The following ARFGAP1 variants were observed in gnomAD, a reference collection of about 807,000 sequenced individuals.
ARFGAP1 encodes ADP-ribosylation factor GTPase-activating protein 1.
Under a neutral mutation model 54.0 loss-of-function variants are expected in ARFGAP1, and 26 were observed. That is an observed-to-expected ratio of 0.48 (90% CI 0.35 to 0.67). ARFGAP1 has a LOEUF of 0.67. ARFGAP1 is among the 30% of genes least tolerant of loss of function. The pLI, the probability that ARFGAP1 is intolerant of heterozygous loss-of-function variation, is 0.00. For synonymous variants in ARFGAP1, 248 were observed against 211.9 expected (o/e 1.17, Z -1.48); for missense variants, 525 against 535.8 (o/e 0.98, Z 0.20).
chr20:63,286,343 C>T (rs753463098), intron 11 of ARFGAP1, 23 bp from the exon 12 acceptor site: 11 of 1,612,330 alleles, frequency 6.8e-6, no homozygotes, highest in Non-Finnish European at 7.6e-6. Context: ...GCCTGCCTAA[C>T]CTCTCTTCCC....
chr20:63,288,451 G>A lies in ARFGAP1; in HGVS notation c.*578G>A, dbSNP rs552679156. ...CTGTGCTGTCAGACCCGCGTCGGTC[G>A]TAACCCTCTGTGGCTCCCCTGCATC... On this transcript the variant is annotated 3_prime_UTR_variant, in exon 13 of 13. Transcript: ENST00000370283. The A allele has an allele frequency of 3.7e-5, 17 of 456,096 alleles. No homozygotes were observed. The highest frequency in any genetic ancestry group is 1.4e-4 in the East Asian group (2 of 14,392). The allele number at this position is 456,096 out of a possible 1,614,324, so 28.3% of individuals were successfully genotyped here.
intron 5 of ARFGAP1, among the ~76,000 whole-genome samples, chr20:63,277,528 G>A (rs1298752271): frequency 6.6e-6 from 1 of 152,204 alleles, no homozygotes; most frequent in Non-Finnish European, 1.5e-5. Context: ...AGCTCCGCAC[G>A]CCTTCCAGGT....
intron 8 of ARFGAP1, 27 bp downstream of exon 8, chr20:63,281,374 C>A: frequency 1.3e-6 from 2 of 1,580,198 alleles, no homozygotes; most frequent in East Asian, 2.3e-5. Context: ...GCCATGCCAC[C>A]GTCCCCACCA....
At chr20:63,283,973 G>A (rs2067455600) in intron 9 of ARFGAP1, 3 of 1,577,596 alleles carry the variant, frequency 1.9e-6, no homozygotes, top group Admixed American at 1.7e-5. Context: ...CCACTGTCTT[G>A]TGTCACCTCA....
In ARFGAP1 at chr20:63,276,349, T is replaced by C; in HGVS notation, c.171-131T>C. The C allele has an allele frequency of 7.2e-7, 1 of 1,380,900 alleles. No homozygotes were observed. The highest frequency in any genetic ancestry group is 1.3e-5 in the South Asian group (1 of 76,478). 85.5% of individuals were successfully genotyped at this position (1,380,900 alleles called of 1,614,324 possible). A position where few individuals can be genotyped will look rare whatever the true frequency, so the allele number is the denominator to read the frequency against. On this transcript the variant is annotated intron_variant, in intron 3 of 12. Transcript: ENST00000370283. The surrounding 1 kb of genome is among the most constrained non-coding windows in gnomAD (Gnocchi z 5.2). ...ACTCTAGTGACGCCATGGCACAGAG[T>C]TCCAGCTGCTGGCCACTCAGCCTCC...
intron 11 of ARFGAP1, 138 bp downstream of exon 11, chr20:63,285,851 G>T: frequency 6.9e-7 from 1 of 1,450,734 alleles, no homozygotes; most frequent in East Asian, 2.3e-5. Context: ...GACGGGAGGA[G>T]AGCTGCCCAG....
rs1408957204 is a variant in ARFGAP1, at chr20:63,288,508, C to G, written c.*635C>G. The G allele has an allele frequency of 4.4e-6, 2 of 456,054 alleles. No individual in the cohort carries two copies. Among genetic ancestry groups the G allele is most frequent in the Non-Finnish European group, 8.8e-6 (2 of 226,782 alleles). The allele number at this position is 456,054 out of a possible 1,614,324, so 28.3% of individuals were successfully genotyped here. On this transcript the variant is annotated 3_prime_UTR_variant, in exon 13 of 13. Transcript: ENST00000370283. Reference sequence around the variant, plus strand: ...GTCCCACCACCAAGTTCACCAGGTTCACCAGACACGGCCTCCACAATAGCC... The same window carrying G: ...GTCCCACCACCAAGTTCACCAGGTTGACCAGACACGGCCTCCACAATAGCC...
At position 63,289,719 on chromosome 20, in the gene ARFGAP1, T is replaced by G. The variant is rs1432287241; in HGVS notation, c.*1846T>G. 6.6e-6 allele frequency: 1 copy of G among 152,212 alleles called. No individual in the cohort carries two copies. The highest frequency in any genetic ancestry group is 1.5e-5 in the Non-Finnish European group (1 of 68,058). The allele number at this position is 152,212 out of a possible 1,614,324, so 9.4% of individuals were successfully genotyped here. On this transcript the variant is annotated 3_prime_UTR_variant, in exon 13 of 13. Transcript: ENST00000370283. ...CTGGGACCGGTGCTGGGGCCTCTCC[T>G]TGCTGTGTGTGAGGGCCCAGGTGGA...
chr20:63,281,435 A>T (rs1568736920), intron 8 of ARFGAP1, 88 bp downstream of exon 8: 8 of 1,459,130 alleles, frequency 5.5e-6, no homozygotes, highest in Non-Finnish European at 7.4e-6. Context: ...GAGCTGCAGA[A>T]GGGATGTGGG....
At chr20:63,278,264 G>A (rs553975232) in intron 6 of ARFGAP1, 61 bp downstream of exon 6, 42 of 1,566,222 alleles carry the variant, frequency 2.7e-5, no homozygotes, top group Middle Eastern at 3.4e-4. Context: ...TCAGTCTGGT[G>A]GGTAGGGCTG....
chr20:63,279,197 T>C, intron 7 of ARFGAP1: 2 of 661,086 alleles, frequency 3.0e-6, no homozygotes, highest in Non-Finnish European at 5.4e-6. Context: ...TTCAATCACT[T>C]CCTTTTTTTT....
At position 63,283,837 on chromosome 20, in the gene ARFGAP1, G is replaced by A. The variant is rs377658585; in HGVS notation, c.717+986G>A. On this transcript the variant is annotated intron_variant, in intron 9 of 12. Transcript: ENST00000370283. Reference sequence around the variant, plus strand: ...TTGCTCTCTCCTCACCTGTCTTCTTGCTGTCGGGTAAAGTTTTGGGGTCAC... The same window carrying A: ...TTGCTCTCTCCTCACCTGTCTTCTTACTGTCGGGTAAAGTTTTGGGGTCAC... 8.1e-6 allele frequency: 13 copies of A among 1,613,636 alleles called. No homozygotes were observed. In the African/African-American group the frequency reaches 1.7e-4, roughly 22 times the overall value.
chr20:63,278,873 C>T (rs2067304708), intron 6 of ARFGAP1, 26 bp from the exon 7 acceptor site: 3 of 1,610,978 alleles, frequency 1.9e-6, no homozygotes, highest in Admixed American at 1.7e-5. Context: ...CCAGCATCTT[C>T]GGCCTCTTGT....
At chr20:63,282,151 CCCTGGGAGAGGAAGG>C (rs1445155583) in intron 8 of ARFGAP1, among the ~76,000 whole-genome samples, 1 of 152,202 alleles carries the variant, frequency 6.6e-6, no homozygotes, top group African/African-American at 2.4e-5. Flanking sequence ...CCCGTGTCTT[CCCTGGGAGAGGAAGG>C]CCTGGGAGGG....
At chr20:63,284,190 C>T (rs34582901) in intron 9 of ARFGAP1, 51,171 of 1,285,262 alleles carry the variant, frequency 0.04, 1,217 homozygotes, top group Non-Finnish European at 0.046. Flanking sequence ...GGAGGGAGGG[C>T]GGGGGCACTG....
At chr20:63,273,239 CG>C (rs2067149204) in intron 1 of ARFGAP1, 1 of 148,856 alleles carries the variant, frequency 6.7e-6, no homozygotes, top group African/African-American at 2.5e-5. Context: ...CCACCGGTTA[CG>C]GGAGTCCAGA....
chr20:63,285,024 C>T, intron 10 of ARFGAP1, 102 bp downstream of exon 10: 1 of 1,399,644 alleles, frequency 7.1e-7, no homozygotes, highest in Non-Finnish European at 9.9e-7. Flanking sequence ...AGCTGGGACT[C>T]AGCGAGGCCA....
Position 63,288,113 on chromosome 20 carries a change from T to C in ARFGAP1, c.*240T>C, listed in dbSNP as rs1248640833. ...GGGGCCGTCCCGTCCCACACTCCCC[T>C]GGGCATTCTTGGACTCAAGGCCGGG... On this transcript the variant is annotated 3_prime_UTR_variant, in exon 13 of 13. Coordinates refer to ENST00000370283, the MANE Select transcript of ARFGAP1 (RefSeq NM_018209.4). The C allele has an allele frequency of 1.6e-6, 1 of 607,548 alleles. No homozygotes were observed. The highest frequency in any genetic ancestry group is 2.9e-6 in the Non-Finnish European group (1 of 339,742). 37.6% of individuals were successfully genotyped at this position (607,548 alleles called of 1,614,324 possible).
chr20:63,281,599 G>C (rs887390239), intron 8 of ARFGAP1, among the ~76,000 whole-genome samples: 4 of 152,162 alleles, frequency 2.6e-5, no homozygotes, highest in Non-Finnish European at 5.9e-5. Flanking sequence ...AAGGGGTCCC[G>C]CCCTGATGAA....
Sources: allele counts gnomAD v4.1 joint callset (sites outside exome capture counted in the v4.1 genomes callset), GRCh38; gene constraint gnomAD v4.1.1; non-coding constraint Gnocchi (gnomAD v3.1); transcripts MANE v1.5; gene names NCBI Gene and HGNC (gene_info 2026-07-23, HGNC 2026-07-21).